DGKD: variants seen among roughly 807,000 people sequenced by gnomAD.
DGKD encodes the protein DAG kinase delta.
DGKD carries 68 observed loss-of-function variants against 154.4 expected under a neutral mutation model. That is an observed-to-expected ratio of 0.44 (90% CI 0.36 to 0.54). The LOEUF (loss-of-function observed/expected upper bound fraction) is 0.54, where lower values mean the gene tolerates loss of function less well. Among genes scored for constraint, DGKD ranks in the 20% least tolerant of loss-of-function variants. DGKD has a pLI of 0.00. For synonymous variants in DGKD, 693 were observed against 638.0 expected, an observed-to-expected ratio of 1.09 and a Z score of -1.30; for missense variants, 1,343 against 1,593.6, an observed-to-expected ratio of 0.84 and a Z score of 2.68.
chr2:233,396,904 A>G (rs1336257692), intron 3 of DGKD, among the ~76,000 whole-genome samples: 3 of 132,744 alleles, frequency 2.3e-5, no homozygotes, highest in African/African-American at 8.6e-5. Context: ...GAGCAAGAGG[A>G]CACCAGAGGG....
chr2:233,457,401 G>A lies in DGKD; in HGVS notation c.2580+73G>A. ...CTGTCTGAGAGCAGGGGGGTGTTCT[G>A]CTGTGGCTGGGGTGGATCCAGCTCT... On this transcript the variant is annotated intron_variant, in intron 21 of 29. Coordinates refer to ENST00000264057, the MANE Select transcript of DGKD (RefSeq NM_152879.3). This position sits in a 1 kb window ranked among gnomAD's most constrained non-coding sequence, Gnocchi z 5.5. 1.7e-6 allele frequency: 2 copies of A among 1,155,444 alleles called. No homozygotes were observed. Among genetic ancestry groups the A allele is most frequent in the Non-Finnish European group, 1.3e-6 (1 of 771,172 alleles). The allele number at this position is 1,155,444 out of a possible 1,614,324, so 71.6% of individuals were successfully genotyped here.
At chr2:233,450,203 G>C in intron 16 of DGKD, 72 bp downstream of exon 16, 2 of 1,487,380 alleles carry the variant, frequency 1.3e-6, no homozygotes, top group Non-Finnish European at 9.0e-7. Flanking sequence ...GGGCTTGCCA[G>C]GGGAGGTTTT....
chr2:233,447,526 ATTT>A (rs986474193), intron 12 of DGKD: 1 of 974,436 alleles, frequency 1.0e-6, no homozygotes, highest in Non-Finnish European at 1.2e-6. Flanking sequence ...TTAAAAAAAA[ATTT>A]TTTTTTTGAG....
Position 233,445,787 on chromosome 2 carries a change from C to G in DGKD, c.1334+25C>G. 1 of 1,581,330 alleles carries G rather than the reference C, an allele frequency of 6.3e-7. No individual in the cohort carries two copies. The highest frequency in any genetic ancestry group is 8.6e-7 in the Non-Finnish European group (1 of 1,161,044). On this transcript the variant is annotated intron_variant, in intron 11 of 29. Coordinates refer to ENST00000264057, the MANE Select transcript of DGKD (RefSeq NM_152879.3). This position sits in a 1 kb window ranked among gnomAD's most constrained non-coding sequence, Gnocchi z 5.5. ...GGTGAGTGGGGATGTGCTCCGGTGC[C>G]GTATGAGGAGACTTTGAGAGACAGG...
In DGKD at chr2:233,432,250, G is replaced by A. The variant is rs534193211; in HGVS notation, c.349-2130G>A. On this transcript the variant is annotated intron_variant, in intron 3 of 29. Transcript: ENST00000264057. ...ATTAAAAATACAAAAAATTAGCCAG[G>A]CGTGGTTGCTCACGCCTGTAATCCC... 8.7e-5 allele frequency among the ~76,000 whole-genome samples: 9 copies of A among 103,418 alleles called. No individual in the cohort carries two copies. In the East Asian group the frequency reaches 1.0e-3, roughly 12 times the overall value. 67.8% of individuals were successfully genotyped at this position (103,418 alleles called of 152,430 possible).
At chr2:233,383,551 AT>A (rs1703009318) in intron 1 of DGKD, among the ~76,000 whole-genome samples, 1 of 152,150 alleles carries the variant, frequency 6.6e-6, no homozygotes, top group Non-Finnish European at 1.5e-5. Context: ...ACTCTTCCCA[AT>A]TCCAAAGTCA....
At chr2:233,447,712 C>G in intron 12 of DGKD, 1 of 1,085,586 alleles carries the variant, frequency 9.2e-7, no homozygotes, top group Non-Finnish European at 1.1e-6. Flanking sequence ...GGGCTCACAG[C>G]CAGGTGGAAA....
At chr2:233,363,873 G>A (rs923281241) in intron 1 of DGKD, among the ~76,000 whole-genome samples, 1 of 152,224 alleles carries the variant, frequency 6.6e-6, no homozygotes, top group Non-Finnish European at 1.5e-5. Flanking sequence ...TGAGGTGTGT[G>A]CCATCTAGAT....
At position 233,449,305 on chromosome 2, in the gene DGKD, G is replaced by T; in HGVS notation, c.1817G>T (p.Arg606Leu). Residue 606 changes from arginine (R) to leucine (L), a missense_variant, in exon 15 of 30, where the codon CGA becomes CTA. By Grantham distance (102) the Arg-to-Leu change is moderately radical. This residue lies in a region of DGKD where 409 missense variants were observed against 446.0 expected (regional missense o/e 0.92). Coordinates refer to ENST00000264057, the MANE Select transcript of DGKD (RefSeq NM_152879.3). This position sits in a 1 kb window ranked among gnomAD's most constrained non-coding sequence, Gnocchi z 5.3. ...GCCCGGCCGCAGATATTCCGGCCTC[G>T]AGAACAGCTCATGCTGAGAGCCAAC... The part of the protein sequence containing the change: ...CPARPQIFRP[R>L]EQLMLRANSL... 3 of 1,613,038 alleles carry T rather than the reference G, an allele frequency of 1.9e-6. No homozygotes were observed. Among genetic ancestry groups the T allele is most frequent in the Non-Finnish European group, 1.7e-6 (2 of 1,179,298 alleles).
chr2:233,418,863 C>T (rs528204723), intron 3 of DGKD, among the ~76,000 whole-genome samples: 2 of 152,310 alleles, frequency 1.3e-5, no homozygotes, highest in East Asian at 3.9e-4. Context: ...CGGGGTCTGA[C>T]ACAGTGCTGT....
intron 1 of DGKD, chr2:233,386,145 G>C (rs838716): frequency 0.74 from 221,599 of 300,556 alleles, 83,055 homozygotes; most frequent in African/African-American, 0.87. Flanking sequence ...TGGGTTTTGG[G>C]TTGTTGGTTT....
rs376309869 is a variant in DGKD, at chr2:233,449,246, C to T, written c.1758C>T (p.Ser586=). Residue 586 remains serine, a synonymous_variant, in exon 15 of 30, where the codon TCC becomes TCT. Coordinates refer to ENST00000264057, the MANE Select transcript of DGKD (RefSeq NM_152879.3). This position sits in a 1 kb window ranked among gnomAD's most constrained non-coding sequence, Gnocchi z 5.3. The part of the protein sequence containing the change: ...DGDGSGSICG[S]TGDRLVASAC... Reference sequence around the variant, plus strand: ...ATGGGTCGGGCAGCATCTGCGGTTCCACCGGAGACCGCTTGGTGGCATCAG... The same window carrying T: ...ATGGGTCGGGCAGCATCTGCGGTTCTACCGGAGACCGCTTGGTGGCATCAG... 1.9e-6 allele frequency: 3 copies of T among 1,613,650 alleles called. No individual in the cohort carries two copies. In the African/African-American group the frequency reaches 4.0e-5, roughly 22 times the overall value.
intron 14 of DGKD, 43 bp downstream of exon 14, chr2:233,448,418 A>G (rs1260213271): frequency 1.3e-6 from 2 of 1,583,656 alleles, no homozygotes; most frequent in East Asian, 2.2e-5. Context: ...TGAGGCAGCG[A>G]GAAGCTTGCT....
intron 3 of DGKD, among the ~76,000 whole-genome samples, chr2:233,430,272 T>C (rs2062463807): frequency 6.6e-6 from 1 of 152,144 alleles, no homozygotes; most frequent in South Asian, 2.1e-4. Flanking sequence ...AAAAGATGCT[T>C]GTAAAGATAA....
intron 1 of DGKD, among the ~76,000 whole-genome samples, chr2:233,375,978 A>C (rs376541726): frequency 1.1e-3 from 160 of 152,292 alleles, no homozygotes; most frequent in African/African-American, 3.8e-3. Context: ...TCAGCACTCA[A>C]GTGTTCAATA....
chr2:233,386,977 G>A (rs1255555757), intron 1 of DGKD, among the ~76,000 whole-genome samples: 1 of 152,214 alleles, frequency 6.6e-6, no homozygotes, highest in African/African-American at 2.4e-5. Flanking sequence ...GTCCGGGTGT[G>A]GTCCTGGTGT....
intron 3 of DGKD, among the ~76,000 whole-genome samples, chr2:233,408,131 C>T (rs916561211): frequency 1.3e-5 from 2 of 151,808 alleles, no homozygotes; most frequent in Admixed American, 6.6e-5. Context: ...CAACCTCCGC[C>T]TCCCGGGTTC....
At chr2:233,385,601 C>G (rs1575013197) in intron 1 of DGKD, among the ~76,000 whole-genome samples, 1 of 152,322 alleles carries the variant, frequency 6.6e-6, no homozygotes, top group South Asian at 2.1e-4. Flanking sequence ...GGGCCTGGCC[C>G]TTTCACTCCT....
At chr2:233,401,002 A>G (rs936610570) in intron 3 of DGKD, among the ~76,000 whole-genome samples, 2 of 152,110 alleles carry the variant, frequency 1.3e-5, no homozygotes, top group Non-Finnish European at 2.9e-5. Flanking sequence ...TCTACCAGAT[A>G]GAAGACCCAA....
Sources: gnomAD v4.1 joint callset for allele counts (sites outside exome capture counted in the v4.1 genomes callset) on GRCh38, gnomAD v4.1.1 for gene constraint, gnomAD v4.1.1 regional missense constraint, Gnocchi (gnomAD v3.1) non-coding constraint, MANE v1.5 for transcripts, NCBI Gene and HGNC (gene_info 2026-07-23, HGNC 2026-07-21) for gene names.